NTRK2: variants seen among roughly 807,000 people sequenced by gnomAD.
The protein encoded by NTRK2 is BDNF/NT-3 growth factors receptor.
A neutral mutation model predicts 94.5 loss-of-function variants in NTRK2; 13 were observed. That is an observed-to-expected ratio of 0.14 (90% CI 0.09 to 0.22). The LOEUF is 0.22. Among genes scored for constraint, NTRK2 ranks in the 10% least tolerant of loss-of-function variants. NTRK2 has a pLI of 1.00. For missense variants in NTRK2, 639 were observed against 1,071.2 expected (o/e 0.60, Z 5.63); for synonymous variants, 372 against 407.4 (o/e 0.91, Z 1.05).
intron 2 of NTRK2, among the ~76,000 whole-genome samples, chr9:84,689,135 A>G (rs1330477749): frequency 6.6e-6 from 1 of 152,258 alleles, no homozygotes; most frequent in African/African-American, 2.4e-5. Context: ...GTGTGGAGCT[A>G]TCTTCAAATA....
At chr9:84,840,291 C>G (rs1554750143) in intron 12 of NTRK2, among the ~76,000 whole-genome samples, 2 of 120,466 alleles carry the variant, frequency 1.7e-5, no homozygotes, top group African/African-American at 6.3e-5. Flanking sequence ...TTTTTTTTAA[C>G]TCTTTCTCAC....
At chr9:84,820,153 TTTTC>T (rs1011292310) in intron 12 of NTRK2, among the ~76,000 whole-genome samples, 5 of 150,838 alleles carry the variant, frequency 3.3e-5, no homozygotes, top group African/African-American at 9.8e-5. Context: ...AGCTTACTTT[TTTTC>T]TTTCTTTCTT....
chr9:84,787,448 C>G (rs956062041), intron 12 of NTRK2, among the ~76,000 whole-genome samples: 4 of 152,192 alleles, frequency 2.6e-5, no homozygotes, highest in Non-Finnish European at 4.4e-5. Flanking sequence ...GAGTTAATCA[C>G]TGGCTCTTTA....
Position 84,851,944 on chromosome 9 carries a change from G to A in NTRK2, c.1397-9096G>A, listed in dbSNP as rs147451196. The stretch of plus-strand genomic sequence containing the variant: ...TAAATATGAATATAACTATAAATAC[G>A]TAGCAGAAATTGCAAAGGCGTTTCT... On this transcript the variant is annotated intron_variant, in intron 12 of 18. Transcript: ENST00000277120. Among the ~76,000 whole-genome samples the A allele has an allele frequency of 2.8e-3, 431 of 152,298 alleles. 1 individual carries two copies. Among genetic ancestry groups the A allele is most frequent in the African/African-American group, 9.8e-3 (407 of 41,568 alleles).
intron 15 of NTRK2, among the ~76,000 whole-genome samples, chr9:84,941,251 G>GCATT (rs2078398546): frequency 1.3e-5 from 2 of 152,202 alleles, no homozygotes; most frequent in South Asian, 4.1e-4. Flanking sequence ...ATGCATGCAT[G>GCATT]CATGCAGGAG....
At chr9:84,721,864 A>AAAAAC (rs1478416950) in intron 6 of NTRK2, among the ~76,000 whole-genome samples, 1 of 152,188 alleles carries the variant, frequency 6.6e-6, no homozygotes, top group Non-Finnish European at 1.5e-5. Flanking sequence ...TTGATTTTTG[A>AAAAAC]AAAACAAAAT....
At chr9:84,806,572 G>T (rs73474429) in intron 12 of NTRK2, among the ~76,000 whole-genome samples, 71 of 152,268 alleles carry the variant, frequency 4.7e-4, no homozygotes, top group African/African-American at 1.7e-3. Context: ...CAATTCCGAG[G>T]CTCTGAGTTT....
At chr9:84,861,883 G>C (rs558381354) in intron 13 of NTRK2, among the ~76,000 whole-genome samples, 1 of 152,118 alleles carries the variant, frequency 6.6e-6, no homozygotes, top group Non-Finnish European at 1.5e-5. Flanking sequence ...GGCAAAGTAG[G>C]GGAAATGTAC....
chr9:84,728,146 G>A, intron 9 of NTRK2, among the ~76,000 whole-genome samples, 187 bp downstream of exon 9: 1 of 152,168 alleles, frequency 6.6e-6, no homozygotes, highest in Non-Finnish European at 1.5e-5. Context: ...GGAATTCAGG[G>A]TCATGAAGCA....
chr9:84,689,093 G>T (rs528937387), intron 2 of NTRK2, among the ~76,000 whole-genome samples: 1 of 152,222 alleles, frequency 6.6e-6, no homozygotes, highest in South Asian at 2.1e-4. Context: ...CACACAGTTC[G>T]CACTCTGCTG....
intron 15 of NTRK2, among the ~76,000 whole-genome samples, chr9:84,945,578 C>T (rs1356554465): frequency 6.6e-6 from 1 of 152,178 alleles, no homozygotes; most frequent in Non-Finnish European, 1.5e-5. Context: ...CATCACTTCT[C>T]CCTGTGCAAG....
intron 12 of NTRK2, among the ~76,000 whole-genome samples, chr9:84,777,641 C>T (rs1396505913): frequency 6.6e-6 from 1 of 152,076 alleles, no homozygotes; most frequent in African/African-American, 2.4e-5. Context: ...GGGTTGGGGT[C>T]CTAATTTGTA....
intron 15 of NTRK2, among the ~76,000 whole-genome samples, chr9:84,940,297 A>G (rs1448326759): frequency 1.3e-5 from 2 of 152,224 alleles, no homozygotes; most frequent in African/African-American, 4.8e-5. Context: ...TGTGATGAGA[A>G]GAGCTGGTAT....
chr9:85,009,061 A>C (rs1469683209), intron 17 of NTRK2, among the ~76,000 whole-genome samples: 1 of 152,260 alleles, frequency 6.6e-6, no homozygotes, highest in Admixed American at 6.5e-5. Context: ...GATCTAGAAC[A>C]GGAAACCACG....
intron 2 of NTRK2, among the ~76,000 whole-genome samples, chr9:84,674,027 TA>T (rs1159807478): frequency 1.3e-5 from 2 of 152,202 alleles, no homozygotes; most frequent in Admixed American, 1.3e-4. Flanking sequence ...CCAGTTGTAT[TA>T]AGTGCCAAAG....
At chr9:84,704,395 A>AT (rs545069363) in intron 4 of NTRK2, among the ~76,000 whole-genome samples, 12,978 of 145,416 alleles carry the variant, frequency 0.089, 560 homozygotes, top group Middle Eastern at 0.15. Context: ...CGCCAGGCTA[A>AT]TTTTTTTTTT....
chr9:84,931,081 AT>A (rs2132687402), intron 14 of NTRK2, among the ~76,000 whole-genome samples: 1 of 152,308 alleles, frequency 6.6e-6, no homozygotes, highest in East Asian at 1.9e-4. Flanking sequence ...CAAATACAAA[AT>A]TCCTGTGCCC....
At chr9:84,798,893 T>C (rs1588678853) in intron 12 of NTRK2, among the ~76,000 whole-genome samples, 1 of 142,138 alleles carries the variant, frequency 7.0e-6, no homozygotes, top group African/African-American at 2.7e-5. Flanking sequence ...ACCTGCTATA[T>C]GCCAGACACT....
chr9:84,951,793 G>C (rs894638519), intron 16 of NTRK2, among the ~76,000 whole-genome samples: 1 of 152,202 alleles, frequency 6.6e-6, no homozygotes, highest in Admixed American at 6.5e-5. Flanking sequence ...AATATAGGCT[G>C]TCCTCTTTCC....
Sources: allele counts gnomAD v4.1 joint callset (sites outside exome capture counted in the v4.1 genomes callset), GRCh38; gene constraint gnomAD v4.1.1; transcripts MANE v1.5; gene names NCBI Gene and HGNC (gene_info 2026-07-23, HGNC 2026-07-21).